WNK3: variants seen among roughly 807,000 people sequenced by gnomAD.
The protein encoded by WNK3 is WNK lysine deficient protein kinase 3.
A neutral mutation model predicts 116.7 loss-of-function variants in WNK3; 18 were observed. The ratio of observed to expected loss-of-function variants is 0.15; its 90% CI spans 0.11 to 0.23. The LOEUF (loss-of-function observed/expected upper bound fraction) is 0.23. WNK3 is among the 10% of genes least tolerant of loss of function. WNK3 has a pLI of 1.00. For missense variants in WNK3, 993 were observed against 1,323.8 expected (o/e 0.75, Z 3.88); for synonymous variants, 404 against 469.4 (o/e 0.86, Z 1.80).
chrX:54,212,385 A>C (rs781975426), intron 22 of WNK3, among the ~76,000 whole-genome samples: 24 of 112,446 alleles, frequency 2.1e-4, no homozygotes, highest in Non-Finnish European at 3.9e-4. Flanking sequence ...CAGAAAAGGC[A>C]CAAAGAATGA....
At chrX:54,352,930 C>T (rs2069537662) in intron 1 of WNK3, among the ~76,000 whole-genome samples, 1 of 111,986 alleles carries the variant, frequency 8.9e-6, no homozygotes, top group Non-Finnish European at 1.9e-5. Flanking sequence ...TGCCATAACA[C>T]AGATGAATCT....
At chrX:54,257,866 A>T (rs1557155887) in intron 11 of WNK3, among the ~76,000 whole-genome samples, 1 of 108,915 alleles carries the variant, frequency 9.2e-6, no homozygotes, top group Admixed American at 9.9e-5. Flanking sequence ...CGCCCAGGAG[A>T]CAAATGAAAA....
At chrX:54,275,436 T>TGC (rs1174760087) in intron 10 of WNK3, among the ~76,000 whole-genome samples, 5 of 101,230 alleles carry the variant, frequency 4.9e-5, no homozygotes, top group Non-Finnish European at 1.0e-4. Context: ...TGTGTGTGTG[T>TGC]GTGTGTGTGT....
intron 10 of WNK3, among the ~76,000 whole-genome samples, chrX:54,286,041 T>C (rs1456294025): frequency 9.0e-6 from 1 of 111,654 alleles, no homozygotes; most frequent in Admixed American, 9.6e-5. Flanking sequence ...TACAATTTTT[T>C]CCAATATTCT....
intron 10 of WNK3, among the ~76,000 whole-genome samples, chrX:54,289,834 G>A (rs1228558033): frequency 4.5e-5 from 5 of 111,486 alleles, no homozygotes; most frequent in South Asian, 7.6e-4. Flanking sequence ...GTGATTAACC[G>A]GTAAGAAACT....
At chrX:54,281,465 C>G (rs1376518565) in intron 10 of WNK3, among the ~76,000 whole-genome samples, 1 of 111,304 alleles carries the variant, frequency 9.0e-6, no homozygotes, top group Non-Finnish European at 1.9e-5. Context: ...GCCTAAGCAA[C>G]AGAGTGAGAC....
In WNK3 at chrX:54,196,235, A is replaced by C. The variant is rs376590351; in HGVS notation, c.*2089T>G. The C allele has an allele frequency of 1.1e-4, 12 of 111,097 alleles. 1 individual carries two copies. The highest frequency in any genetic ancestry group is 7.7e-4 in the South Asian group (2 of 2,609). The allele number at this position is 111,097 out of a possible 1,213,427, so 9.2% of individuals were successfully genotyped here. A position where few individuals can be genotyped will look rare whatever the true frequency, so the allele number is the denominator to read the frequency against. ...CAATACTGTACAAGAAATTTGAAGA[A>C]TCTGTACTTAACATTTGGAAAGACT... On this transcript the variant is annotated 3_prime_UTR_variant, in exon 24 of 24. Transcript: ENST00000354646.
At chrX:54,278,234 C>A (rs782178354) in intron 10 of WNK3, among the ~76,000 whole-genome samples, 2 of 110,411 alleles carry the variant, frequency 1.8e-5, no homozygotes, top group African/African-American at 6.6e-5. Context: ...CAAAGAAGAT[C>A]TAAATAAATG....
intron 23 of WNK3, among the ~76,000 whole-genome samples, chrX:54,200,135 TA>T (rs1188479002): frequency 8.0e-5 from 9 of 112,532 alleles, no homozygotes; most frequent in African/African-American, 2.9e-4. Context: ...TTTCCTTTAC[TA>T]GGTCAAATTT....
Position 54,239,123 on chromosome X carries a change from A to C in WNK3, c.3652-24T>G. 4.7e-6 allele frequency: 4 copies of C among 844,242 alleles called. 1 individual carries two copies. Among genetic ancestry groups the C allele is most frequent in the Middle Eastern group, 9.2e-4 (2 of 2,179 alleles). 69.6% of individuals were successfully genotyped at this position (844,242 alleles called of 1,213,427 possible). Reference sequence around the variant, plus strand: ...TCCTAATGGAGACAAAACAAAACAAAACAAAACAAAACAAAACAAAACAAA... The same window carrying C: ...TCCTAATGGAGACAAAACAAAACAACACAAAACAAAACAAAACAAAACAAA... On this transcript the variant is annotated intron_variant, in intron 17 of 23. Transcript: ENST00000354646.
intron 20 of WNK3, among the ~76,000 whole-genome samples, chrX:54,234,812 C>T (rs1199904601): frequency 9.4e-6 from 1 of 106,326 alleles, no homozygotes; most frequent in African/African-American, 3.4e-5. Context: ...GGCAACAGAG[C>T]CAGACTCCGT....
intron 10 of WNK3, among the ~76,000 whole-genome samples, chrX:54,286,284 T>C (rs1166972919): frequency 9.1e-6 from 1 of 110,311 alleles, no homozygotes; most frequent in Non-Finnish European, 1.9e-5. Flanking sequence ...CCCAGAATAG[T>C]ATGCCCCTGT....
chrX:54,269,077 C>G (rs1166207690), intron 10 of WNK3, among the ~76,000 whole-genome samples: 8 of 110,949 alleles, frequency 7.2e-5, no homozygotes, highest in Admixed American at 2.9e-4. Context: ...GACAACATCA[C>G]TCACACAGTA....
rs1044490650 is a variant in WNK3 at position 54,253,897 on chromosome X, G to T, written c.2367+62C>A. The T allele has an allele frequency of 3.4e-5, 27 of 793,516 alleles. No homozygotes were observed. The African/African-American group carries it at 4.9e-4, about 14-fold the overall frequency. 65.4% of individuals were successfully genotyped at this position (793,516 alleles called of 1,213,427 possible). A position where few individuals can be genotyped will look rare whatever the true frequency, so the allele number is the denominator to read the frequency against. ...CAATGGCTCAAAATAAATGGAGACA[G>T]AATTATAGGGGAAAAAAGACAGAAT... On this transcript the variant is annotated intron_variant, in intron 13 of 23. Transcript: ENST00000354646.
In WNK3 at chrX:54,207,902, C is replaced by T. The variant is rs148025155; in HGVS notation, c.4871-5709G>A. On this transcript the variant is annotated intron_variant, in intron 22 of 23. Transcript: ENST00000354646. The stretch of plus-strand genomic sequence containing the variant: ...ACTATCATCATTCATTCCCCTCAAC[C>T]CACTACAGGTAAAATTTATGGTTTT... Among the ~76,000 whole-genome samples the T allele has an allele frequency of 3.3e-3, 360 of 110,345 alleles. 3 individuals carry two copies. Among genetic ancestry groups the T allele is most frequent in the African/African-American group, 0.011 (340 of 30,408 alleles).
At chrX:54,221,132 T>A (rs925573899) in intron 22 of WNK3, among the ~76,000 whole-genome samples, 11 of 111,593 alleles carry the variant, frequency 9.9e-5, no homozygotes. Flanking sequence ...GGAAAAAAAA[T>A]AAAAATAGAA....
chrX:54,349,098 G>A (rs1557178133), intron 1 of WNK3, among the ~76,000 whole-genome samples: 1 of 112,244 alleles, frequency 8.9e-6, no homozygotes, highest in African/African-American at 3.2e-5. Context: ...CACGTTGGGA[G>A]GCCCAGACAG....
intron 2 of WNK3, among the ~76,000 whole-genome samples, chrX:54,320,586 G>A (rs782413717): frequency 9.0e-6 from 1 of 111,231 alleles, no homozygotes; most frequent in East Asian, 2.8e-4. Context: ...GCAGTGGCAC[G>A]ATCATAGTTC....
chrX:54,251,396 T>C lies in WNK3; in HGVS notation c.2575+3A>G. On this transcript the variant is annotated splice_donor_region_variant and intron_variant, in intron 15 of 23. Transcript: ENST00000354646. ...AATGATAAATTTTACTAAATATACT[T>C]ACTGCTGGTTTGAGTAGATGTAGAA... The C allele has an allele frequency of 8.6e-7, 1 of 1,157,147 alleles. No homozygotes were observed. The highest frequency in any genetic ancestry group is 1.2e-6 in the Non-Finnish European group (1 of 859,641).
Sources: gnomAD v4.1 joint callset for allele counts (sites outside exome capture counted in the v4.1 genomes callset) on GRCh38, gnomAD v4.1.1 for gene constraint, MANE v1.5 for transcripts, NCBI Gene and HGNC (gene_info 2026-07-23, HGNC 2026-07-21) for gene names.